Variants in PLA2G6 observed in about 807,000 individuals in gnomAD.
PLA2G6 encodes the protein phospholipase A2 group VI, also known as 85/88 kDa calcium-independent phospholipase A2.
Under a neutral mutation model 83.8 loss-of-function variants are expected in PLA2G6, and 62 were observed. That is an observed-to-expected ratio of 0.74 (90% CI 0.60 to 0.91). The LOEUF is 0.91. Ranked by LOEUF, PLA2G6 falls within the 40% of genes least tolerant of loss-of-function variation. The pLI is 0.00. For missense variants in PLA2G6, 944 were observed against 1,102.0 expected (o/e 0.86, Z 2.03); for synonymous variants, 417 against 449.8 (o/e 0.93, Z 0.92).
chr22:38,175,062 C>T (rs1247368647), intron 1 of PLA2G6, among the ~76,000 whole-genome samples: 1 of 152,152 alleles, frequency 6.6e-6, no homozygotes. Flanking sequence ...ACGGGAGGAG[C>T]GGTCCCTGCC....
chr22:38,169,217 C>A lies in PLA2G6; in HGVS notation c.209+1G>T. On this transcript the variant is annotated splice_donor_variant, in intron 2 of 16. Coordinates refer to ENST00000332509, the MANE Select transcript of PLA2G6 (RefSeq NM_003560.4). LOFTEE classifies it high-confidence loss of function. The stretch of plus-strand genomic sequence containing the variant: ...GTATGTTCCCGCTGAGCATCACCCA[C>A]CGGAATCCACTCTGTGAGTTCCTGG... 1 of 1,610,328 alleles carries A rather than the reference C, an allele frequency of 6.2e-7. No homozygotes were observed.
rs1176020531 is a variant in PLA2G6 at position 38,168,386 on chromosome 22, C to G, written c.209+832G>C. Among the ~76,000 whole-genome samples, 4 of 152,248 alleles carry G rather than the reference C, an allele frequency of 2.6e-5. No homozygotes were observed. In the East Asian group the frequency reaches 7.7e-4, roughly 29 times the overall value. ...ATTTGGAACCTTGGCTGCTTCTCCC[C>G]TTTTCCCAACCAGCTCTGCCGTTGG... is the stretch of plus-strand genomic sequence containing the variant. On this transcript the variant is annotated intron_variant, in intron 2 of 16. Coordinates refer to ENST00000332509, the MANE Select transcript of PLA2G6 (RefSeq NM_003560.4).
At chr22:38,164,976 C>A (rs1468757308) in intron 2 of PLA2G6, among the ~76,000 whole-genome samples, 1 of 152,200 alleles carries the variant, frequency 6.6e-6, no homozygotes, top group East Asian at 1.9e-4. Context: ...TCCTCCACAG[C>A]CTCGACCCCA....
intron 10 of PLA2G6, among the ~76,000 whole-genome samples, chr22:38,125,420 G>A (rs1020766949): frequency 6.6e-6 from 1 of 152,198 alleles, no homozygotes; most frequent in African/African-American, 2.4e-5. Flanking sequence ...CACACAACAG[G>A]GTAGCATGGA....
Position 38,126,417 on chromosome 22 carries a change from G to A in PLA2G6, c.1381C>T (p.Arg461Trp), listed in dbSNP as rs76718524. Residue 461 changes from arginine (R) to tryptophan (W), a missense_variant, in exon 10 of 17, where the codon CGG (arginine) becomes TGG (tryptophan). Physicochemically the swap from Arg to Trp is moderately radical, Grantham distance 101. Coordinates refer to ENST00000332509, the MANE Select transcript of PLA2G6 (RefSeq NM_003560.4). ...GAGCCCAGGATGAACGCTGGCTTCC[G>A]GGCCCGTGAGATGTGCATGAGATCC... is the stretch of plus-strand genomic sequence containing the variant. ...LQDLMHISRA[R>W]KPAFILGSMR... is the part of the protein sequence containing the mutation. The A allele has an allele frequency of 1.7e-4, 275 of 1,613,576 alleles. No homozygotes were observed. Among genetic ancestry groups the A allele is most frequent in the Non-Finnish European group, 2.1e-4 (243 of 1,179,892 alleles).
At chr22:38,171,748 G>A (rs541649359) in intron 1 of PLA2G6, among the ~76,000 whole-genome samples, 18 of 151,852 alleles carry the variant, frequency 1.2e-4, no homozygotes, top group African/African-American at 3.9e-4. Flanking sequence ...TTGAGCCCGG[G>A]AGGTGGAGGT....
intron 1 of PLA2G6, among the ~76,000 whole-genome samples, chr22:38,178,301 C>G (rs1458061263): frequency 6.6e-6 from 1 of 152,180 alleles, no homozygotes; most frequent in Non-Finnish European, 1.5e-5. Flanking sequence ...TCAGGCACGG[C>G]AGTTCACTCC....
At chr22:38,153,911 G>A (rs969952188) in intron 2 of PLA2G6, among the ~76,000 whole-genome samples, 1 of 152,184 alleles carries the variant, frequency 6.6e-6, no homozygotes, top group Admixed American at 6.5e-5. Flanking sequence ...GTGTTCAGTT[G>A]CTTCAAGAGC....
intron 14 of PLA2G6, 142 bp from the exon 15 acceptor site, chr22:38,113,796 T>G: frequency 1.3e-6 from 1 of 785,750 alleles, no homozygotes. Context: ...AGAGCATGCC[T>G]GGCATGATTT....
intron 10 of PLA2G6, among the ~76,000 whole-genome samples, chr22:38,125,095 C>T (rs1248436244): frequency 6.6e-6 from 1 of 152,234 alleles, no homozygotes; most frequent in Non-Finnish European, 1.5e-5. Context: ...CTCACCTCAG[C>T]CCCTGCACAG....
intron 13 of PLA2G6, 67 bp downstream of exon 13, chr22:38,116,008 C>A: frequency 6.3e-7 from 1 of 1,582,500 alleles, no homozygotes; most frequent in Non-Finnish European, 8.7e-7. Flanking sequence ...GTGCACGACT[C>A]CCACCCACCA....
intron 10 of PLA2G6, among the ~76,000 whole-genome samples, chr22:38,125,290 G>A (rs748011704): frequency 1.3e-5 from 2 of 152,180 alleles, no homozygotes; most frequent in Non-Finnish European, 2.9e-5. Context: ...CAACCCGCAG[G>A]CATGTGCATG....
At chr22:38,161,894 A>C (rs1167699331) in intron 2 of PLA2G6, among the ~76,000 whole-genome samples, 3 of 152,132 alleles carry the variant, frequency 2.0e-5, no homozygotes, top group African/African-American at 7.2e-5. Context: ...ACTGTGGCTC[A>C]TGTCGTGATT....
chr22:38,115,607 C>A lies in PLA2G6; in HGVS notation c.1954G>T (p.Asp652Tyr). ...TYFRPNGRFL[D>Y]GGLLANNPTL... is the part of the protein sequence containing the mutation. ...GGGTTGTTGGCCAGCAGCCCACCGT[C>A]CAGGAAGCGCCCATTGGGTCGGAAG... The change falls in exon 14 of 17, where the codon GAC becomes TAC. Residue 652 changes from aspartate (D) to tyrosine (Y), a missense_variant. By Grantham distance (160) the Asp-to-Tyr change is radical. Coordinates refer to ENST00000332509, the MANE Select transcript of PLA2G6 (RefSeq NM_003560.4). 6.2e-7 allele frequency: 1 copy of A among 1,612,454 alleles called. No individual in the cohort carries two copies.
intron 2 of PLA2G6, chr22:38,146,793 T>TTTTTTC (rs2089288650): frequency 6.6e-6 from 1 of 151,370 alleles, no homozygotes; most frequent in East Asian, 1.9e-4. Flanking sequence ...TTTTTTTTTT[T>TTTTTTC]TTTGAGATGG....
intron 11 of PLA2G6, 53 bp from the exon 12 acceptor site, chr22:38,120,962 C>A: frequency 6.2e-7 from 1 of 1,602,702 alleles, no homozygotes; most frequent in East Asian, 2.2e-5. Flanking sequence ...ACGCAGGGCT[C>A]CCGTAGAACA....
At chr22:38,155,625 A>G (rs1211734151) in intron 2 of PLA2G6, among the ~76,000 whole-genome samples, 1 of 152,234 alleles carries the variant, frequency 6.6e-6, no homozygotes, top group African/African-American at 2.4e-5. Context: ...ATATTAGGTT[A>G]TAAGATATTA....
At chr22:38,152,495 C>T (rs2089607200) in intron 2 of PLA2G6, among the ~76,000 whole-genome samples, 2 of 152,016 alleles carry the variant, frequency 1.3e-5, no homozygotes, top group Admixed American at 1.3e-4. Context: ...GCACGAGCCA[C>T]TGTGCCTGGC....
At chr22:38,148,273 G>C (rs1395977868) in intron 2 of PLA2G6, 1 of 498,100 alleles carries the variant, frequency 2.0e-6, no homozygotes, top group African/African-American at 2.0e-5. Flanking sequence ...CTGTGGTGAG[G>C]AGCAAATAAA....
Sources: allele counts gnomAD v4.1 joint callset (sites outside exome capture counted in the v4.1 genomes callset), GRCh38; gene constraint gnomAD v4.1.1; transcripts MANE v1.5; gene names NCBI Gene and HGNC (gene_info 2026-07-23, HGNC 2026-07-21).